Variants in TARS3 observed in about 807,000 individuals in gnomAD.
TARS3 encodes the protein threonyl-tRNA synthetase 3.
A neutral mutation model predicts 103.5 loss-of-function variants in TARS3; 94 were observed. The ratio of observed to expected loss-of-function variants is 0.91; its 90% CI spans 0.77 to 1.08. TARS3 has a LOEUF of 1.08. TARS3 is among the 50% of genes least tolerant of loss of function. The probability of loss-of-function intolerance (pLI) is 0.00; values close to 1 mark genes in which losing one functional copy is unlikely to be tolerated. For missense variants in TARS3, 952 were observed against 995.2 expected (o/e 0.96, Z 0.58); for synonymous variants, 416 against 355.4 (o/e 1.17, Z -1.92).
Position 101,724,075 on chromosome 15 carries a change from C to G in TARS3, c.297+16G>C. ...CCCCGCCCGCGTCCTCTCCAGTGTCCCCACCGCCCGGTTACCTGTGCGCCG... is the reference window on the plus strand; with the variant it reads ...CCCCGCCCGCGTCCTCTCCAGTGTCGCCACCGCCCGGTTACCTGTGCGCCG... On this transcript the variant is annotated intron_variant, in intron 1 of 18. Coordinates refer to ENST00000335968, the MANE Select transcript of TARS3 (RefSeq NM_152334.3). 7.3e-7 allele frequency: 1 copy of G among 1,360,560 alleles called. No homozygotes were observed. The highest frequency in any genetic ancestry group is 1.7e-5 in the South Asian group (1 of 57,422). 84.3% of individuals were successfully genotyped at this position (1,360,560 alleles called of 1,614,324 possible).
At chr15:101,691,274 T>TTATATA (rs67629619) in intron 10 of TARS3, among the ~76,000 whole-genome samples, 24 of 135,542 alleles carry the variant, frequency 1.8e-4, no homozygotes, top group Non-Finnish European at 1.1e-4. Context: ...ACCTCAGTAT[T>TTATATA]TATATATATA....
rs554960918 is a variant in TARS3 at position 101,658,208 on chromosome 15, T to C, written c.2073-351A>G. The stretch of plus-strand genomic sequence containing the variant: ...CTCACTAACGTCCATAGCAGCTTTA[T>C]TTATAATAGCCCCAAACAGGAAACA... On this transcript the variant is annotated intron_variant, in intron 16 of 18. Transcript: ENST00000335968. Among the ~76,000 whole-genome samples, 12 of 151,946 alleles carry C rather than the reference T, an allele frequency of 7.9e-5. No individual in the cohort carries two copies. The South Asian group carries it at 1.5e-3, about 18-fold the overall frequency.
At chr15:101,696,418 G>C (rs1317423537) in intron 10 of TARS3, among the ~76,000 whole-genome samples, 1 of 152,006 alleles carries the variant, frequency 6.6e-6, no homozygotes, top group African/African-American at 2.4e-5. Context: ...CCTGGCATGA[G>C]ACTCTACCTG....
Position 101,681,000 on chromosome 15 carries a change from CTCA to C in TARS3, c.1650+3072_1650+3074del, listed in dbSNP as rs1898234133. ...TGGTATGAGGTATGAATCCTCATAC[CTCA>C]TGTTTTGCATATGGATACACAATCA... On this transcript the variant is annotated intron_variant, in intron 12 of 18. Transcript: ENST00000335968. 2.6e-5 allele frequency among the ~76,000 whole-genome samples: 4 copies of C among 151,980 alleles called. 1 individual carries two copies. The highest frequency in any genetic ancestry group is 4.8e-5 in the African/African-American group (2 of 41,376).
chr15:101,719,855 G>T (rs969633018), intron 3 of TARS3, among the ~76,000 whole-genome samples: 1 of 152,178 alleles, frequency 6.6e-6, no homozygotes, highest in Non-Finnish European at 1.5e-5. Flanking sequence ...ACTTCTAGAC[G>T]GTTAGCTTGC....
In TARS3 at chr15:101,701,137, A is replaced by G. The variant is rs1250333018; in HGVS notation, c.1269T>C (p.Phe423=). 1 of 1,599,336 alleles carries G rather than the reference A, an allele frequency of 6.3e-7. No individual in the cohort carries two copies. Among genetic ancestry groups the G allele is most frequent in the Non-Finnish European group, 8.5e-7 (1 of 1,175,966 alleles). ...FFHDLSPGSC[F]FLPRGAFIYN... is the part of the protein sequence containing the mutation. ...AAATGAAGGCTCCTCTGGGAAGGAA[A>G]AAACAGCTTCCAGGACTCAAATCGT... The change falls in exon 10 of 19, where the codon TTT becomes TTC. Residue 423 remains phenylalanine (F), a synonymous_variant. Transcript: ENST00000335968.
chr15:101,671,447 A>G (rs754467702), intron 15 of TARS3, 39 bp downstream of exon 15: 3 of 1,462,908 alleles, frequency 2.1e-6, no homozygotes, highest in Admixed American at 1.8e-5. Flanking sequence ...AAAAATTAGA[A>G]TATTAGTACT....
intron 13 of TARS3, among the ~76,000 whole-genome samples, chr15:101,672,858 G>A (rs560426272): frequency 6.6e-6 from 1 of 152,274 alleles, no homozygotes; most frequent in Admixed American, 6.5e-5. Flanking sequence ...CATGTTTCCA[G>A]GACAAATGAG....
chr15:101,670,075 T>C (rs991272175), intron 15 of TARS3, among the ~76,000 whole-genome samples: 9 of 152,154 alleles, frequency 5.9e-5, no homozygotes, highest in Non-Finnish European at 1.3e-4. Context: ...ATATAAAACA[T>C]AGAAGAAAAT....
At chr15:101,658,675 C>T (rs903211297) in intron 16 of TARS3, among the ~76,000 whole-genome samples, 5 of 152,236 alleles carry the variant, frequency 3.3e-5, no homozygotes, top group African/African-American at 7.2e-5. Flanking sequence ...CTGGTGAAAT[C>T]GGAACAAGGT....
chr15:101,709,222 A>G (rs1899732680), intron 5 of TARS3, among the ~76,000 whole-genome samples: 1 of 152,136 alleles, frequency 6.6e-6, no homozygotes, highest in African/African-American at 2.4e-5. Context: ...TACCCTTCAC[A>G]TGCTTTAGTT....
intron 13 of TARS3, among the ~76,000 whole-genome samples, chr15:101,673,512 G>A (rs1416749958): frequency 9.2e-5 from 14 of 152,158 alleles, no homozygotes; most frequent in African/African-American, 2.7e-4. Flanking sequence ...CACCACCATC[G>A]TTATCATCAT....
chr15:101,708,966 T>C (rs1221445933), intron 5 of TARS3, 56 bp from the exon 6 acceptor site: 3 of 1,170,280 alleles, frequency 2.6e-6, no homozygotes, highest in African/African-American at 3.1e-5. Flanking sequence ...GCATTCCCTC[T>C]TTCCTTTGTC....
At chr15:101,677,438 C>G (rs80010486) in intron 12 of TARS3, among the ~76,000 whole-genome samples, 1,840 of 152,248 alleles carry the variant, frequency 0.012, 48 homozygotes, top group African/African-American at 0.043. Flanking sequence ...CTCCTTTGCT[C>G]ACCCCACTGA....
At chr15:101,706,789 G>A (rs373710436) in intron 6 of TARS3, among the ~76,000 whole-genome samples, 4 of 152,250 alleles carry the variant, frequency 2.6e-5, no homozygotes, top group Non-Finnish European at 2.9e-5. Flanking sequence ...AGAAAAACCC[G>A]TATCTGCATG....
At chr15:101,667,473 T>C (rs760338974) in intron 15 of TARS3, among the ~76,000 whole-genome samples, 5 of 152,234 alleles carry the variant, frequency 3.3e-5, no homozygotes, top group Non-Finnish European at 5.9e-5. Flanking sequence ...TGTTTAGTGT[T>C]GTCATCTTCA....
intron 10 of TARS3, among the ~76,000 whole-genome samples, chr15:101,691,973 C>A (rs1463601462): frequency 6.6e-6 from 1 of 152,174 alleles, no homozygotes; most frequent in Admixed American, 6.5e-5. Flanking sequence ...TTTCTTGGAC[C>A]CTCAGATCAT....
intron 3 of TARS3, among the ~76,000 whole-genome samples, chr15:101,717,986 C>T (rs555439508): frequency 6.6e-6 from 1 of 152,322 alleles, no homozygotes; most frequent in Admixed American, 6.5e-5. Context: ...AGCCAATAAC[C>T]TTTGTGATAG....
chr15:101,661,922 C>G, intron 15 of TARS3, 106 bp from the exon 16 acceptor site: 1 of 609,700 alleles, frequency 1.6e-6, no homozygotes, highest in Non-Finnish European at 2.7e-6. Context: ...GATATCAGAT[C>G]TCTCCATTAA....
Sources: allele counts gnomAD v4.1 joint callset (sites outside exome capture counted in the v4.1 genomes callset), GRCh38; gene constraint gnomAD v4.1.1; transcripts MANE v1.5; gene names NCBI Gene and HGNC (gene_info 2026-07-23, HGNC 2026-07-21).